Variants in BCAS3 observed in about 807,000 individuals in gnomAD.
BCAS3 encodes the protein BCAS4/BCAS3 fusion.
In BCAS3, 53 loss-of-function variants were observed where a neutral mutation model predicts 116.1. That is an observed-to-expected ratio of 0.46 (90% CI 0.37 to 0.57). BCAS3 has a LOEUF of 0.57. Among genes scored for constraint, BCAS3 ranks in the 20% least tolerant of loss-of-function variants. BCAS3 has a pLI of 0.00. For missense variants in BCAS3, 917 were observed against 1,165.4 expected (o/e 0.79, Z 3.10); for synonymous variants, 391 against 408.2 (o/e 0.96, Z 0.51).
chr17:60,787,915 AC>A (rs985143024), intron 6 of BCAS3, among the ~76,000 whole-genome samples: 15 of 149,458 alleles, frequency 1.0e-4, no homozygotes, highest in Non-Finnish European at 1.9e-4. Flanking sequence ...CATGAATAGT[AC>A]CTTTTTTTTT....
intron 22 of BCAS3, among the ~76,000 whole-genome samples, chr17:61,085,401 A>G (rs527566175): frequency 6.6e-6 from 1 of 152,234 alleles, no homozygotes; most frequent in Non-Finnish European, 1.5e-5. Flanking sequence ...AAATCCCTAG[A>G]GACTGCTGAT....
At chr17:60,756,110 TG>T (rs60255449) in intron 6 of BCAS3, among the ~76,000 whole-genome samples, 110,305 of 151,954 alleles carry the variant, frequency 0.73, 45,731 homozygotes, top group South Asian at 0.98. Flanking sequence ...TTTCCATGGA[TG>T]GGGGGCGTGG....
intron 6 of BCAS3, among the ~76,000 whole-genome samples, chr17:60,768,065 G>A (rs1176080559): frequency 6.6e-6 from 1 of 152,208 alleles, no homozygotes; most frequent in African/African-American, 2.4e-5. Context: ...CCAAAGTGCT[G>A]AGATGAGAGG....
At chr17:60,777,072 G>T (rs1049664741) in intron 6 of BCAS3, among the ~76,000 whole-genome samples, 1 of 151,242 alleles carries the variant, frequency 6.6e-6, no homozygotes, top group Non-Finnish European at 1.5e-5. Flanking sequence ...GTGTGTGTGC[G>T]TGTGTATATA....
At position 61,370,965 on chromosome 17, in the gene BCAS3, C is replaced by G. The variant is rs117801142; in HGVS notation, c.2593+2471C>G. Among the ~76,000 whole-genome samples, 770 of 152,366 alleles carry G rather than the reference C, an allele frequency of 5.1e-3. 4 individuals are homozygous for G. Among genetic ancestry groups the G allele is most frequent in the Non-Finnish European group, 8.7e-3 (595 of 68,034 alleles). ...ATCTCAGTCCCCCTCTTTCTTCCCACAACTCTACTTCTCTAGGTGGCTTAT... is the reference window on the plus strand; with the variant it reads ...ATCTCAGTCCCCCTCTTTCTTCCCAGAACTCTACTTCTCTAGGTGGCTTAT... On this transcript the variant is annotated intron_variant, in intron 23 of 23. Coordinates refer to ENST00000407086, the MANE Select transcript of BCAS3 (RefSeq NM_017679.5).
rs1014912715 is a variant in BCAS3 at position 61,203,316 on chromosome 17, C to A, written c.2425+118752C>A. 1.3e-5 allele frequency among the ~76,000 whole-genome samples: 2 copies of A among 152,120 alleles called. No homozygotes were observed. Among genetic ancestry groups the A allele is most frequent in the African/African-American group, 4.8e-5 (2 of 41,422 alleles). On this transcript the variant is annotated intron_variant, in intron 22 of 23. Coordinates refer to ENST00000407086, the MANE Select transcript of BCAS3 (RefSeq NM_017679.5). This position sits in a 1 kb window ranked among gnomAD's most constrained non-coding sequence, Gnocchi z 5.7. ...GGGATTACAGGTGCCCGACACCACACCTGGCTAATTTTTGTATTATTAGTA... is the reference window on the plus strand; with the variant it reads ...GGGATTACAGGTGCCCGACACCACAACTGGCTAATTTTTGTATTATTAGTA...
rs1362744641 is a variant in BCAS3 at position 61,327,486 on chromosome 17, G to A, written c.2426-40841G>A. On this transcript the variant is annotated intron_variant, in intron 22 of 23. Coordinates refer to ENST00000407086, the MANE Select transcript of BCAS3 (RefSeq NM_017679.5). The surrounding 1 kb of genome is among the most constrained non-coding windows in gnomAD (Gnocchi z 5.9). Reference sequence around the variant, plus strand: ...TAACAGGCAAGTATGTGGAGATGAGGGAGCAAATAGAAAATGAAGCAAAAT... The same window carrying A: ...TAACAGGCAAGTATGTGGAGATGAGAGAGCAAATAGAAAATGAAGCAAAAT... 3.3e-5 allele frequency among the ~76,000 whole-genome samples: 5 copies of A among 151,920 alleles called. No individual in the cohort carries two copies. The highest frequency in any genetic ancestry group is 1.2e-4 in the African/African-American group (5 of 41,332).
rs1182475386 is a variant in BCAS3, at chr17:61,045,823, T to TTCTCTCTCTCTCTCTCTCTCTCTC, written c.2029+4935_2029+4958dup. 6.0e-3 allele frequency among the ~76,000 whole-genome samples: 206 copies of TTCTCTCTCTCTCTCTCTCTCTCTC among 34,594 alleles called. 6 individuals are homozygous for TTCTCTCTCTCTCTCTCTCTCTCTC. The highest frequency in any genetic ancestry group is 6.8e-3 in the Non-Finnish European group (162 of 23,838). 22.7% of individuals were successfully genotyped at this position (34,594 alleles called of 152,430 possible). A position where few individuals can be genotyped will look rare whatever the true frequency, so the allele number is the denominator to read the frequency against. On this transcript the variant is annotated intron_variant, in intron 19 of 23. Coordinates refer to ENST00000407086, the MANE Select transcript of BCAS3 (RefSeq NM_017679.5). ...AGAGTGAGTGAGACTTCATCTCTCT[T>TTCTCTCTCTCTCTCTCTCTCTCTC]TCTCTCTCTCTCTCTCTCTCTCTCT...
intron 22 of BCAS3, among the ~76,000 whole-genome samples, chr17:61,178,317 A>G (rs1481833299): frequency 6.6e-6 from 1 of 152,214 alleles, no homozygotes; most frequent in Non-Finnish European, 1.5e-5. Context: ...GATCTGATGT[A>G]CAAGCAGAAG....
chr17:61,198,583 A>T lies in BCAS3; in HGVS notation c.2425+114019A>T, dbSNP rs1316974456. On this transcript the variant is annotated intron_variant, in intron 22 of 23. Coordinates refer to ENST00000407086, the MANE Select transcript of BCAS3 (RefSeq NM_017679.5). The surrounding 1 kb of genome is among the most constrained non-coding windows in gnomAD (Gnocchi z 5.0). ...CAGTTAAGTTTTGCAAGAAGGTGAA[A>T]GTAGACAAACATGTTTTTGACACAT... Among the ~76,000 whole-genome samples the T allele has an allele frequency of 3.9e-5, 6 of 152,212 alleles. No homozygotes were observed.
intron 13 of BCAS3, among the ~76,000 whole-genome samples, chr17:60,927,619 C>CT (rs2145171122): frequency 6.6e-6 from 1 of 152,202 alleles, no homozygotes; most frequent in South Asian, 2.1e-4. Context: ...AATTTATTCA[C>CT]TTTGAAATGG....
rs747646442 is a variant in BCAS3 at position 61,004,153 on chromosome 17, T to A, written c.1487-11598T>A. On this transcript the variant is annotated intron_variant, in intron 15 of 23. Coordinates refer to ENST00000407086, the MANE Select transcript of BCAS3 (RefSeq NM_017679.5). The surrounding 1 kb of genome is among the most constrained non-coding windows in gnomAD (Gnocchi z 4.8). ...TTTGATTATTGTCTTACTTCCCTAGTTAGGAGGACAGTTAAGTAAGAAATT... is the reference window on the plus strand; with the variant it reads ...TTTGATTATTGTCTTACTTCCCTAGATAGGAGGACAGTTAAGTAAGAAATT... Among the ~76,000 whole-genome samples, 10 of 152,100 alleles carry A rather than the reference T, an allele frequency of 6.6e-5. No individual in the cohort carries two copies. Among genetic ancestry groups the A allele is most frequent in the African/African-American group, 9.7e-5 (4 of 41,410 alleles).
At chr17:60,978,914 T>C (rs2062604920) in intron 14 of BCAS3, among the ~76,000 whole-genome samples, 1 of 141,544 alleles carries the variant, frequency 7.1e-6, no homozygotes, top group African/African-American at 2.7e-5. Context: ...AGCCTTGTAG[T>C]ATAGTTTGAA....
At chr17:60,981,986 T>C (rs912744416) in intron 14 of BCAS3, among the ~76,000 whole-genome samples, 2 of 152,216 alleles carry the variant, frequency 1.3e-5, no homozygotes, top group African/African-American at 4.8e-5. Flanking sequence ...ATTGGTATTT[T>C]AAATCTAATC....
At chr17:60,890,488 A>G (rs541233124) in intron 10 of BCAS3, among the ~76,000 whole-genome samples, 1 of 152,234 alleles carries the variant, frequency 6.6e-6, no homozygotes, top group African/African-American at 2.4e-5. Context: ...TTTAATTTAC[A>G]TTAACTATAT....
intron 19 of BCAS3, among the ~76,000 whole-genome samples, chr17:61,066,490 G>C (rs1279081289): frequency 1.3e-5 from 2 of 151,922 alleles, no homozygotes; most frequent in African/African-American, 4.8e-5. Flanking sequence ...TTTTATTCTT[G>C]CTTTACAAAG....
rs945600474 is a variant in BCAS3 at position 61,229,666 on chromosome 17, C to A, written c.2426-138661C>A. Among the ~76,000 whole-genome samples the A allele has an allele frequency of 4.6e-5, 7 of 152,214 alleles. No individual in the cohort carries two copies. The highest frequency in any genetic ancestry group is 4.6e-4 in the Admixed American group (7 of 15,288). ...AGTTTTCCTTCCAGGCAGCCTCAGT[C>A]CACGTTCATGAGCCACATTCTTGTG... On this transcript the variant is annotated intron_variant, in intron 22 of 23. Coordinates refer to ENST00000407086, the MANE Select transcript of BCAS3 (RefSeq NM_017679.5). The surrounding 1 kb of genome is among the most constrained non-coding windows in gnomAD (Gnocchi z 4.4).
chr17:60,718,905 C>G (rs1200519422), intron 5 of BCAS3, among the ~76,000 whole-genome samples: 1 of 151,754 alleles, frequency 6.6e-6, no homozygotes, highest in South Asian at 2.1e-4. Flanking sequence ...ACTAAAAATA[C>G]AAAAAAATTA....
intron 22 of BCAS3, among the ~76,000 whole-genome samples, chr17:61,257,559 T>C (rs915376386): frequency 2.6e-5 from 4 of 152,002 alleles, no homozygotes; most frequent in Non-Finnish European, 5.9e-5. Flanking sequence ...TTCCTTTATA[T>C]CAAAATAGCA....
Sources: allele counts gnomAD v4.1 joint callset (sites outside exome capture counted in the v4.1 genomes callset), GRCh38; gene constraint gnomAD v4.1.1; non-coding constraint Gnocchi (gnomAD v3.1); transcripts MANE v1.5; gene names NCBI Gene and HGNC (gene_info 2026-07-23, HGNC 2026-07-21).